Variants in KDM1A observed in about 807,000 individuals in gnomAD.
KDM1A encodes the protein lysine demethylase 1A.
Under a neutral mutation model 109.4 loss-of-function variants are expected in KDM1A, and 49 were observed. The observed-to-expected ratio is 0.45, with a 90% CI of 0.36 to 0.57. KDM1A has a LOEUF of 0.57. Ranked by LOEUF, KDM1A falls within the 20% of genes least tolerant of loss-of-function variation. The pLI is 0.00. For synonymous variants in KDM1A, 380 were observed against 415.4 expected, an observed-to-expected ratio of 0.91 and a Z score of 1.04; for missense variants, 668 against 1,116.6, an observed-to-expected ratio of 0.60 and a Z score of 5.73.
chr1:23,032,931 G>A (rs1180021360), intron 2 of KDM1A, among the ~76,000 whole-genome samples: 2 of 152,154 alleles, frequency 1.3e-5, no homozygotes, highest in East Asian at 1.9e-4. Context: ...ACGGAGTCTC[G>A]CTCTGTCGCC....
intron 9 of KDM1A, among the ~76,000 whole-genome samples, chr1:23,062,964 T>C (rs1346109977): frequency 6.6e-6 from 1 of 152,108 alleles, no homozygotes; most frequent in Non-Finnish European, 1.5e-5. Context: ...ATAGCTTTAA[T>C]TGGACATGCG....
chr1:23,057,244 TTC>T (rs1403029066), intron 7 of KDM1A, among the ~76,000 whole-genome samples: 1 of 152,230 alleles, frequency 6.6e-6, no homozygotes, highest in Non-Finnish European at 1.5e-5. Flanking sequence ...CATCATTTAA[TTC>T]TGTGTCGTTT....
In KDM1A at chr1:23,081,500, TAA is replaced by T; in HGVS notation, c.2226_2227del (p.Ile742MetfsTer2). 6.2e-7 allele frequency: 1 copy of T among 1,614,136 alleles called. No individual in the cohort carries two copies. Among genetic ancestry groups the T allele is most frequent in the Non-Finnish European group, 8.5e-7 (1 of 1,180,010 alleles). ...GAAGCTGCTGGTATCATGGAAAACA[TAA>T]GTGACGATGTGATTGTTGGCCGATG... On this transcript the variant is annotated frameshift_variant, in exon 19 of 21. Coordinates refer to ENST00000400181, the MANE Select transcript of KDM1A (RefSeq NM_001009999.3). LOFTEE classifies it high-confidence loss of function.
chr1:23,056,488 G>A (rs1256616061), intron 7 of KDM1A, among the ~76,000 whole-genome samples: 1 of 152,006 alleles, frequency 6.6e-6, no homozygotes, highest in African/African-American at 2.4e-5. Context: ...AACAGGAGGA[G>A]CAATAAGGGA....
chr1:23,033,784 T>A (rs1642061626), intron 2 of KDM1A, among the ~76,000 whole-genome samples: 1 of 152,176 alleles, frequency 6.6e-6, no homozygotes, highest in Non-Finnish European at 1.5e-5. Context: ...CTTGGTTGAC[T>A]AAGCCAGGCT....
At position 23,079,603 on chromosome 1, in the gene KDM1A, C is replaced by T. The variant is rs778695635; in HGVS notation, c.2106C>T (p.Phe702=). ...TCTGGGATCCAAGTGTCAATTTGTT[C>T]GGGCATGTTGGCAGTACGACTGCCA... ...RVFWDPSVNL[F]GHVGSTTASR... is the part of the protein sequence containing the mutation. The change falls in exon 18 of 21, where the codon TTC becomes TTT. Residue 702 remains phenylalanine, a synonymous_variant. Transcript: ENST00000400181. The surrounding 1 kb of genome is among the most constrained non-coding windows in gnomAD (Gnocchi z 5.6). 29 of 1,613,804 alleles carry T rather than the reference C, an allele frequency of 1.8e-5. No individual in the cohort carries two copies. Among genetic ancestry groups the T allele is most frequent in the South Asian group, 3.3e-5 (3 of 91,004 alleles).
chr1:23,026,948 T>G (rs1641823876), intron 1 of KDM1A, among the ~76,000 whole-genome samples: 1 of 152,160 alleles, frequency 6.6e-6, no homozygotes, highest in Non-Finnish European at 1.5e-5. Context: ...AGGTTCAAAG[T>G]ACACATTCCT....
rs1203006963 is a variant in KDM1A, at chr1:23,083,159, C to T, written c.2446-20C>T. 6 of 1,598,150 alleles carry T rather than the reference C, an allele frequency of 3.8e-6. No homozygotes were observed. Among genetic ancestry groups the T allele is most frequent in the African/African-American group, 1.3e-5 (1 of 74,566 alleles). ...GGTATATGTGCAGCCTGCCAATTTT[C>T]TCTTTTTCCCCTAAAATAGCCGATT... On this transcript the variant is annotated intron_variant, in intron 20 of 20. Coordinates refer to ENST00000400181, the MANE Select transcript of KDM1A (RefSeq NM_001009999.3).
chr1:23,048,200 T>A (rs143334023), intron 3 of KDM1A, among the ~76,000 whole-genome samples: 1 of 152,268 alleles, frequency 6.6e-6, no homozygotes. Context: ...GGATTTAATG[T>A]GTAGATAAGT....
chr1:23,059,066 T>A lies in KDM1A; in HGVS notation c.1073-7T>A. On this transcript the variant is annotated splice_region_variant and splice_polypyrimidine_tract_variant and intron_variant, in intron 8 of 20. Transcript: ENST00000400181. ...TATTGAATTTAATTGCTTGAGTTTT[T>A]TTCTAGGAGGGAATCCTATGGCTGT... 1 of 1,593,632 alleles carries A rather than the reference T, an allele frequency of 6.3e-7. No individual in the cohort carries two copies. Among genetic ancestry groups the A allele is most frequent in the Non-Finnish European group, 8.5e-7 (1 of 1,172,706 alleles).
intron 3 of KDM1A, among the ~76,000 whole-genome samples, chr1:23,046,208 A>G (rs1642500412): frequency 6.6e-6 from 1 of 152,172 alleles, no homozygotes. Flanking sequence ...TCTTAGTGCA[A>G]AGACTATTCC....
chr1:23,082,121 C>T, intron 19 of KDM1A, 99 bp from the exon 20 acceptor site: 2 of 1,316,058 alleles, frequency 1.5e-6, no homozygotes, highest in Non-Finnish European at 2.1e-6. Context: ...CCCTCTTTCT[C>T]TTCACTTGCA....
chr1:23,056,472 A>T (rs1241709988), intron 7 of KDM1A, among the ~76,000 whole-genome samples: 1 of 152,096 alleles, frequency 6.6e-6, no homozygotes, highest in Non-Finnish European at 1.5e-5. Flanking sequence ...TAGAGAGAGA[A>T]ATGGAAACAG....
At chr1:23,048,542 A>G (rs1296960970) in intron 3 of KDM1A, among the ~76,000 whole-genome samples, 1 of 152,172 alleles carries the variant, frequency 6.6e-6, no homozygotes, top group African/African-American at 2.4e-5. Flanking sequence ...CACAATGTTT[A>G]TGTCCTCATT....
intron 16 of KDM1A, 143 bp downstream of exon 16, chr1:23,077,503 C>A: frequency 2.7e-6 from 2 of 743,338 alleles, no homozygotes; most frequent in Non-Finnish European, 4.1e-6. Flanking sequence ...GACAGTTGAG[C>A]CTATAGAGTC....
chr1:23,066,829 T>C (rs1244702058), intron 10 of KDM1A, among the ~76,000 whole-genome samples: 2 of 152,244 alleles, frequency 1.3e-5, no homozygotes, highest in Non-Finnish European at 2.9e-5. Context: ...TGTAGCATCA[T>C]TGCAGGATTT....
intron 1 of KDM1A, among the ~76,000 whole-genome samples, chr1:23,024,057 C>A (rs988721759): frequency 6.6e-6 from 1 of 152,046 alleles, no homozygotes; most frequent in Non-Finnish European, 1.5e-5. Context: ...CTGTGTTGCC[C>A]CAGCTGGCCT....
rs757193479 is a variant in KDM1A at position 23,081,507 on chromosome 1, C to T, written c.2232C>T (p.Asp744=). 15 of 1,613,992 alleles carry T rather than the reference C, an allele frequency of 9.3e-6. No homozygotes were observed. Among genetic ancestry groups the T allele is most frequent in the African/African-American group, 5.3e-5 (4 of 74,888 alleles). Residue 744 remains aspartate (D), a synonymous_variant, in exon 19 of 21, where the codon GAC becomes GAT. Coordinates refer to ENST00000400181, the MANE Select transcript of KDM1A (RefSeq NM_001009999.3). Reference sequence around the variant, plus strand: ...CTGGTATCATGGAAAACATAAGTGACGATGTGATTGTTGGCCGATGCCTGG... The same window carrying T: ...CTGGTATCATGGAAAACATAAGTGATGATGTGATTGTTGGCCGATGCCTGG... ...EAAGIMENIS[D]DVIVGRCLAI... is the part of the protein sequence containing the mutation.
At chr1:23,066,380 A>G (rs1643161052) in intron 10 of KDM1A, among the ~76,000 whole-genome samples, 1 of 152,226 alleles carries the variant, frequency 6.6e-6, no homozygotes, top group Non-Finnish European at 1.5e-5. Flanking sequence ...TAACCTTGAC[A>G]GTGTCCCTTT....
Sources: allele counts gnomAD v4.1 joint callset (sites outside exome capture counted in the v4.1 genomes callset), GRCh38; gene constraint gnomAD v4.1.1; non-coding constraint Gnocchi (gnomAD v3.1); transcripts MANE v1.5; gene names NCBI Gene and HGNC (gene_info 2026-07-23, HGNC 2026-07-21).